WDR70: variants seen among roughly 807,000 people sequenced by gnomAD.
The protein encoded by WDR70 is WD repeat-containing protein 70.
A neutral mutation model predicts 88.6 loss-of-function variants in WDR70; 53 were observed. The ratio of observed to expected loss-of-function variants is 0.60; its 90% CI spans 0.48 to 0.75. The LOEUF (loss-of-function observed/expected upper bound fraction) is 0.75. Among genes scored for constraint, WDR70 ranks in the 30% least tolerant of loss-of-function variants. The pLI is 0.00. For synonymous variants in WDR70, 280 were observed against 270.0 expected (o/e 1.04, Z -0.36); for missense variants, 610 against 823.2 (o/e 0.74, Z 3.17).
At position 37,398,717 on chromosome 5, in the gene WDR70, CAAG is replaced by C. The variant is rs370292784; in HGVS notation, c.492+2150_492+2152del. ...GCATATGTAAAATTAAGAAAACAAA[CAAG>C]AATAAAATAAGAATAAATTTGGCAG... On this transcript the variant is annotated intron_variant, in intron 5 of 17. Coordinates refer to ENST00000265107, the MANE Select transcript of WDR70 (RefSeq NM_018034.4). Among the ~76,000 whole-genome samples, 29 of 152,230 alleles carry C rather than the reference CAAG, an allele frequency of 1.9e-4. No homozygotes were observed. In the South Asian group the frequency reaches 5.8e-3, roughly 31 times the overall value.
chr5:37,383,235 T>C (rs753403407), intron 3 of WDR70, among the ~76,000 whole-genome samples: 2 of 152,162 alleles, frequency 1.3e-5, no homozygotes, highest in Non-Finnish European at 2.9e-5. Context: ...GCCATCTACA[T>C]GTACTATTTT....
chr5:37,676,528 G>C (rs1746218872), intron 10 of WDR70, among the ~76,000 whole-genome samples: 2 of 151,818 alleles, frequency 1.3e-5, no homozygotes, highest in African/African-American at 4.8e-5. Context: ...TTATATGCTG[G>C]ATTACATTTA....
chr5:37,504,533 A>G (rs979798879), intron 8 of WDR70, among the ~76,000 whole-genome samples: 7 of 152,216 alleles, frequency 4.6e-5, no homozygotes, highest in African/African-American at 1.7e-4. Flanking sequence ...ACAGAATGAA[A>G]TGATTTAAAT....
At chr5:37,655,755 C>T (rs995377591) in intron 10 of WDR70, among the ~76,000 whole-genome samples, 2 of 151,634 alleles carry the variant, frequency 1.3e-5, no homozygotes, top group Admixed American at 1.3e-4. Flanking sequence ...GTATGCTTCA[C>T]GAAGTTCTTG....
intron 7 of WDR70, among the ~76,000 whole-genome samples, chr5:37,449,807 G>T (rs1393125307): frequency 6.6e-6 from 1 of 151,912 alleles, no homozygotes; most frequent in East Asian, 1.9e-4. Flanking sequence ...GTGCAGGTTT[G>T]TTACATAGGT....
chr5:37,494,177 T>G (rs1349444014), intron 8 of WDR70, among the ~76,000 whole-genome samples: 2 of 152,198 alleles, frequency 1.3e-5, no homozygotes, highest in Non-Finnish European at 2.9e-5. Flanking sequence ...CAGCTGTATT[T>G]ACAAGTGGTA....
chr5:37,545,966 T>C (rs555846097), intron 9 of WDR70, among the ~76,000 whole-genome samples: 1 of 152,322 alleles, frequency 6.6e-6, no homozygotes, highest in South Asian at 2.1e-4. Context: ...CTCAAAAAAG[T>C]ATAATGTGAT....
At chr5:37,605,402 T>C (rs1274247063) in intron 10 of WDR70, among the ~76,000 whole-genome samples, 164 bp downstream of exon 10, 1 of 152,254 alleles carries the variant, frequency 6.6e-6, no homozygotes, top group Non-Finnish European at 1.5e-5. Flanking sequence ...ACTTTTGTAG[T>C]ATACAGCATT....
chr5:37,691,747 A>C (rs1165079420), intron 10 of WDR70, among the ~76,000 whole-genome samples: 1 of 152,234 alleles, frequency 6.6e-6, no homozygotes, highest in Non-Finnish European at 1.5e-5. Context: ...AAATGCCCAC[A>C]AGAGAAAGCA....
At chr5:37,695,913 C>A (rs1581505498) in intron 10 of WDR70, among the ~76,000 whole-genome samples, 1 of 152,132 alleles carries the variant, frequency 6.6e-6, no homozygotes, top group Admixed American at 6.5e-5. Context: ...CTCTTTCTTG[C>A]CCTCACCTCC....
intron 7 of WDR70, among the ~76,000 whole-genome samples, chr5:37,473,458 C>T (rs1036403821): frequency 2.6e-5 from 4 of 151,712 alleles, no homozygotes; most frequent in African/African-American, 9.7e-5. Flanking sequence ...ATTCTCCTGC[C>T]TCAGCCTCCT....
At chr5:37,553,825 TTATTTAATGTCTCCATGCCTC>T (rs1175122302) in intron 9 of WDR70, among the ~76,000 whole-genome samples, 2 of 152,246 alleles carry the variant, frequency 1.3e-5, no homozygotes, top group African/African-American at 4.8e-5. Context: ...TTTTGGCAAG[TTATTTAATGTCTCCATGCCTC>T]TATTTTGTCT....
intron 13 of WDR70, among the ~76,000 whole-genome samples, chr5:37,708,187 G>A (rs1581516594): frequency 6.7e-6 from 1 of 150,154 alleles, no homozygotes; most frequent in Non-Finnish European, 1.5e-5. Flanking sequence ...TCCCTTTCCT[G>A]TGAGAAATGA....
intron 8 of WDR70, among the ~76,000 whole-genome samples, chr5:37,509,506 A>G (rs896023899): frequency 1.3e-5 from 2 of 152,012 alleles, no homozygotes; most frequent in Non-Finnish European, 2.9e-5. Context: ...GACTGTAGGC[A>G]TGAGCCATCA....
At chr5:37,438,544 A>C (rs1581277959) in intron 6 of WDR70, among the ~76,000 whole-genome samples, 1 of 152,144 alleles carries the variant, frequency 6.6e-6, no homozygotes, top group Admixed American at 6.6e-5. Context: ...TCTTATTGCA[A>C]AGCCACTAAA....
chr5:37,637,294 T>C (rs888349510), intron 10 of WDR70, among the ~76,000 whole-genome samples: 2 of 151,122 alleles, frequency 1.3e-5, no homozygotes, highest in African/African-American at 4.9e-5. Context: ...TGAGCCAAGA[T>C]CGCCTGGGCT....
At chr5:37,658,875 C>T (rs1055175851) in intron 10 of WDR70, among the ~76,000 whole-genome samples, 10 of 152,214 alleles carry the variant, frequency 6.6e-5, no homozygotes, top group African/African-American at 2.4e-4. Flanking sequence ...CAAAATTAAA[C>T]ATTTGAAGTT....
At chr5:37,419,137 C>A (rs1025428562) in intron 5 of WDR70, among the ~76,000 whole-genome samples, 4 of 151,978 alleles carry the variant, frequency 2.6e-5, no homozygotes, top group Non-Finnish European at 5.9e-5. Flanking sequence ...TCCTATTTTA[C>A]TTCCTTATGT....
chr5:37,384,174 T>G (rs10078762), intron 3 of WDR70, among the ~76,000 whole-genome samples: 2 of 13,082 alleles, frequency 1.5e-4, no homozygotes, highest in East Asian at 0.077. Context: ...CTTTCCCCCC[T>G]TTTTTTTTTT....
Sources: allele counts gnomAD v4.1 joint callset (sites outside exome capture counted in the v4.1 genomes callset), GRCh38; gene constraint gnomAD v4.1.1; transcripts MANE v1.5; gene names NCBI Gene and HGNC (gene_info 2026-07-23, HGNC 2026-07-21).